SMCHD1: variants seen among roughly 807,000 people sequenced by gnomAD.
SMCHD1 encodes the protein structural maintenance of chromosomes flexible hinge domain containing 1.
In SMCHD1, 78 loss-of-function variants were observed where a neutral mutation model predicts 254.7. The ratio of observed to expected loss-of-function variants is 0.31; its 90% CI spans 0.26 to 0.37. The LOEUF (loss-of-function observed/expected upper bound fraction) is 0.37. SMCHD1 is among the 10% of genes least tolerant of loss of function. SMCHD1 has a pLI of 1.00. For missense variants in SMCHD1, 1,840 were observed against 2,408.1 expected (o/e 0.76, Z 4.94); for synonymous variants, 766 against 794.9 (o/e 0.96, Z 0.61).
In SMCHD1 at chr18:2,656,067, T is replaced by A. The variant is rs775043440; in HGVS notation, c.-9T>A. The stretch of plus-strand genomic sequence containing the variant: ...GCAGGCGTCGCTGTCTTTTCTCCTT[T>A]TCCCCAATATGGCAGCGGCGGACGG... On this transcript the variant is annotated 5_prime_UTR_variant, in exon 1 of 48. Coordinates refer to ENST00000320876, the MANE Select transcript of SMCHD1 (RefSeq NM_015295.3). 7.2e-7 allele frequency: 1 copy of A among 1,382,174 alleles called. No individual in the cohort carries two copies. The highest frequency in any genetic ancestry group is 1.8e-5 in the South Asian group (1 of 55,388). The allele number at this position is 1,382,174 out of a possible 1,614,324, so 85.6% of individuals were successfully genotyped here. A position where few individuals can be genotyped will look rare whatever the true frequency, so the allele number is the denominator to read the frequency against.
chr18:2,710,982 T>G (rs1568204873), intron 17 of SMCHD1, among the ~76,000 whole-genome samples: 6 of 152,176 alleles, frequency 3.9e-5, no homozygotes, highest in African/African-American at 1.4e-4. Context: ...TTTTGTTTTT[T>G]GGGGTTTTTT....
intron 17 of SMCHD1, among the ~76,000 whole-genome samples, chr18:2,714,094 G>T (rs1044440608): frequency 6.6e-6 from 1 of 152,146 alleles, no homozygotes; most frequent in Non-Finnish European, 1.5e-5. Flanking sequence ...TATCAGTAGG[G>T]TGTTGAATCC....
intron 17 of SMCHD1, 97 bp downstream of exon 17, chr18:2,708,017 A>T: frequency 1.5e-6 from 1 of 651,266 alleles, no homozygotes; most frequent in Non-Finnish European, 2.4e-6. Context: ...TAGCAATCTG[A>T]TAGGCATAGC....
At chr18:2,672,255 C>G (rs674602) in intron 3 of SMCHD1, among the ~76,000 whole-genome samples, 1 of 151,930 alleles carries the variant, frequency 6.6e-6, no homozygotes, top group Non-Finnish European at 1.5e-5. Flanking sequence ...GAGATAGAGT[C>G]TCGCTCTGTT....
intron 17 of SMCHD1, among the ~76,000 whole-genome samples, chr18:2,715,760 G>C (rs142739767): frequency 1.3e-5 from 2 of 152,288 alleles, no homozygotes; most frequent in Non-Finnish European, 2.9e-5. Flanking sequence ...AGGAGGCTGA[G>C]GTGGGAGGAT....
rs1363470243 is a variant in SMCHD1, at chr18:2,700,705, T to A, written c.1464-30T>A. 3.2e-5 allele frequency: 51 copies of A among 1,605,088 alleles called. No homozygotes were observed. The Admixed American group carries it at 8.8e-4, about 28-fold the overall frequency. On this transcript the variant is annotated intron_variant, in intron 11 of 47. Transcript: ENST00000320876. Reference sequence around the variant, plus strand: ...AATTATGTTTTTACAACTTAATTCTTTTACTAACTAACATTTTGTTCTGTT... The same window carrying A: ...AATTATGTTTTTACAACTTAATTCTATTACTAACTAACATTTTGTTCTGTT...
chr18:2,721,642 C>T (rs1215208044), intron 19 of SMCHD1, among the ~76,000 whole-genome samples: 3 of 152,126 alleles, frequency 2.0e-5, no homozygotes, highest in Admixed American at 2.0e-4. Context: ...AAAGGCTATG[C>T]CATGGTACCT....
At chr18:2,685,324 C>A (rs1015188596) in intron 5 of SMCHD1, among the ~76,000 whole-genome samples, 1 of 151,976 alleles carries the variant, frequency 6.6e-6, no homozygotes, top group Non-Finnish European at 1.5e-5. Context: ...TGGTCTTGAT[C>A]TCCTGACCTC....
chr18:2,778,317 A>C, intron 44 of SMCHD1, 78 bp downstream of exon 44: 1 of 1,027,948 alleles, frequency 9.7e-7, no homozygotes, highest in Non-Finnish European at 1.4e-6. Context: ...TACATATACA[A>C]ACGACTAGCC....
At chr18:2,795,923 A>G in intron 45 of SMCHD1, 26 bp from the exon 46 acceptor site, 1 of 1,544,178 alleles carries the variant, frequency 6.5e-7, no homozygotes, top group Non-Finnish European at 8.7e-7. Context: ...CAGTAATTTA[A>G]TCAAATGCAT....
intron 36 of SMCHD1, among the ~76,000 whole-genome samples, chr18:2,762,550 A>G (rs1170443289): frequency 7.0e-6 from 1 of 142,640 alleles, no homozygotes; most frequent in Non-Finnish European, 1.5e-5. Flanking sequence ...CTGGAGTAGC[A>G]TGGCACAATC....
At chr18:2,774,765 A>G (rs1250524944) in intron 41 of SMCHD1, among the ~76,000 whole-genome samples, 2 of 152,190 alleles carry the variant, frequency 1.3e-5, no homozygotes, top group Non-Finnish European at 2.9e-5. Flanking sequence ...GGTTTGTGCT[A>G]CCAGATCAAG....
chr18:2,681,152 C>T (rs938261730), intron 5 of SMCHD1, among the ~76,000 whole-genome samples: 4 of 151,666 alleles, frequency 2.6e-5, no homozygotes, highest in African/African-American at 4.8e-5. Context: ...GTGGCTCACG[C>T]GTGTAATCCC....
chr18:2,800,222 C>G (rs2076336302), intron 47 of SMCHD1, among the ~76,000 whole-genome samples: 1 of 151,464 alleles, frequency 6.6e-6, no homozygotes, highest in Admixed American at 6.6e-5. Context: ...GGGAGAGTGG[C>G]AAATAAAAAG....
At chr18:2,775,068 A>ATTTT (rs10601895) in intron 41 of SMCHD1, among the ~76,000 whole-genome samples, 56 of 73,058 alleles carry the variant, frequency 7.7e-4, no homozygotes, top group African/African-American at 9.8e-4. Flanking sequence ...AAAAGGAACA[A>ATTTT]TTTTTTTTTT....
Position 2,775,769 on chromosome 18 carries a change from T to C in SMCHD1, c.5211T>C (p.Ala1737=). The stretch of plus-strand genomic sequence containing the variant: ...TAGCACAAATTGAAGATGATAGAGC[T>C]GCGATGGTTATTTCTTGGCATCTGG... ...AHLAQIEDDR[A]AMVISWHLAS... Residue 1737 remains alanine, a synonymous_variant, in exon 42 of 48, where the codon GCT becomes GCC. Transcript: ENST00000320876. The C allele has an allele frequency of 6.2e-7, 1 of 1,613,512 alleles. No individual in the cohort carries two copies. The highest frequency in any genetic ancestry group is 2.2e-5 in the East Asian group (1 of 44,814).
intron 7 of SMCHD1, among the ~76,000 whole-genome samples, chr18:2,689,773 T>C (rs1164223923): frequency 1.3e-5 from 2 of 149,060 alleles, no homozygotes; most frequent in East Asian, 3.9e-4. Flanking sequence ...ACCAGTACTT[T>C]GGGAAGCTGA....
intron 25 of SMCHD1, among the ~76,000 whole-genome samples, chr18:2,733,799 C>A (rs2075192653): frequency 6.6e-6 from 1 of 151,964 alleles, no homozygotes; most frequent in Non-Finnish European, 1.5e-5. Context: ...TACTTTTTTC[C>A]CTTGATGTCT....
At chr18:2,758,102 G>T (rs942184030) in intron 34 of SMCHD1, among the ~76,000 whole-genome samples, 3 of 151,956 alleles carry the variant, frequency 2.0e-5, no homozygotes, top group Non-Finnish European at 2.9e-5. Context: ...TTTGTAAATG[G>T]CATTATCGTT....
Sources: allele counts gnomAD v4.1 joint callset (sites outside exome capture counted in the v4.1 genomes callset), GRCh38; gene constraint gnomAD v4.1.1; transcripts MANE v1.5; gene names NCBI Gene and HGNC (gene_info 2026-07-23, HGNC 2026-07-21).